The following CYP2F1 variants were observed in gnomAD, a reference collection of about 807,000 sequenced individuals.
CYP2F1 encodes cytochrome P450 family 2 subfamily F member 1.
CYP2F1 carries 33 observed loss-of-function variants against 40.4 expected under a neutral mutation model. The observed-to-expected ratio is 0.82, with a 90% CI of 0.62 to 1.09. The LOEUF is 1.09. CYP2F1 is among the 50% of genes least tolerant of loss of function. CYP2F1 has a pLI of 0.00. For synonymous variants in CYP2F1, 235 were observed against 277.2 expected (o/e 0.85, Z 1.51); for missense variants, 566 against 655.7 (o/e 0.86, Z 1.49).
intron 1 of CYP2F1, among the ~76,000 whole-genome samples, chr19:41,115,672 T>A (rs2031749350): frequency 6.6e-6 from 1 of 151,512 alleles, no homozygotes; most frequent in South Asian, 2.1e-4. Context: ...AGATAGATGA[T>A]GGATAGACAG....
At chr19:41,124,698 C>T (rs1255330226) in intron 7 of CYP2F1, 21 bp from the exon 8 acceptor site, 8 of 1,594,018 alleles carry the variant, frequency 5.0e-6, no homozygotes, top group African/African-American at 2.7e-5. Flanking sequence ...CCCTCGACCC[C>T]GCTTCCCGCT....
chr19:41,123,101 C>G (rs1194562874), intron 7 of CYP2F1, 138 bp downstream of exon 7: 2 of 1,024,036 alleles, frequency 2.0e-6, no homozygotes, highest in Non-Finnish European at 2.9e-6. Context: ...ACCCACAAAC[C>G]CACACGGAGG....
At chr19:41,115,486 G>T (rs550899504) in intron 1 of CYP2F1, among the ~76,000 whole-genome samples, 29 of 152,222 alleles carry the variant, frequency 1.9e-4, no homozygotes, top group African/African-American at 7.0e-4. Flanking sequence ...TGTGTGTCTT[G>T]ATCTCTCTTT....
chr19:41,114,692 G>A (rs1388395332), intron 1 of CYP2F1, among the ~76,000 whole-genome samples, 200 bp downstream of exon 1: 1 of 151,768 alleles, frequency 6.6e-6, no homozygotes, highest in African/African-American at 2.4e-5. Flanking sequence ...TCTCTGCAAT[G>A]CAACCCCATG....
chr19:41,119,474 C>G lies in CYP2F1; in HGVS notation c.335-873C>G, dbSNP rs145737708. Reference sequence around the variant, plus strand: ...TTAAAAATACAAAAATTAGGCCAGGCGCAGTGGCTCATGCCTGTAATCCCA... The same window carrying G: ...TTAAAAATACAAAAATTAGGCCAGGGGCAGTGGCTCATGCCTGTAATCCCA... On this transcript the variant is annotated intron_variant, in intron 3 of 9. Transcript: ENST00000331105. Among the ~76,000 whole-genome samples the G allele has an allele frequency of 4.0e-5, 6 of 151,738 alleles. No individual in the cohort carries two copies. The South Asian group carries it at 1.3e-3, about 32-fold the overall frequency.
At chr19:41,125,724 T>C in intron 9 of CYP2F1, 90 bp downstream of exon 9, 1 of 1,613,722 alleles carries the variant, frequency 6.2e-7, no homozygotes, top group Non-Finnish European at 8.5e-7. Flanking sequence ...ACTCCTTCCT[T>C]CCACCCATTC....
intron 3 of CYP2F1, among the ~76,000 whole-genome samples, chr19:41,119,723 C>CTCTCTATATATATATATA (rs1478574507): frequency 5.6e-5 from 2 of 35,826 alleles, no homozygotes; most frequent in Admixed American, 4.3e-4. Context: ...CTCTCTCTCT[C>CTCTCTATATATATATATA]TATATATATA....
chr19:41,121,714 C>A (rs1197920557), intron 5 of CYP2F1, 96 bp downstream of exon 5: 2 of 1,257,046 alleles, frequency 1.6e-6, no homozygotes, highest in Admixed American at 2.1e-5. Context: ...GTGAATGGCC[C>A]GCCCAGGGCC....
chr19:41,115,551 T>C (rs2031741174), intron 1 of CYP2F1, among the ~76,000 whole-genome samples: 2 of 151,646 alleles, frequency 1.3e-5, no homozygotes, highest in Non-Finnish European at 2.9e-5. Context: ...AGATAGATAA[T>C]AGACAGATGA....
At chr19:41,127,070 ATG>A (rs1287748953) in intron 9 of CYP2F1, among the ~76,000 whole-genome samples, 1 of 152,172 alleles carries the variant, frequency 6.6e-6, no homozygotes, top group Non-Finnish European at 1.5e-5. Context: ...TCCTCTGGGA[ATG>A]TGTGGCCCAG....
Position 41,127,980 on chromosome 19 carries a change from G to C in CYP2F1, c.1374G>C (p.Ser458=), listed in dbSNP as rs769731609. The change falls in exon 10 of 10, where the codon TCG becomes TCC. Residue 458 remains serine, a synonymous_variant. Coordinates refer to ENST00000331105, the MANE Select transcript of CYP2F1 (RefSeq NM_000774.5). ...LYLTAILQSF[S]LQPLGAPEDI... The stretch of plus-strand genomic sequence containing the variant: ...TCACCGCCATCCTGCAGAGCTTTTC[G>C]CTGCAGCCGCTGGGTGCGCCCGAGG... The C allele has an allele frequency of 1.2e-6, 2 of 1,613,282 alleles. No homozygotes were observed. Among genetic ancestry groups the C allele is most frequent in the East Asian group, 4.5e-5 (2 of 44,854 alleles).
intron 9 of CYP2F1, among the ~76,000 whole-genome samples, chr19:41,127,016 G>T (rs1174846894): frequency 6.6e-6 from 1 of 152,116 alleles, no homozygotes; most frequent in Non-Finnish European, 1.5e-5. Flanking sequence ...CCTACTGTGC[G>T]TCAAGTGCTG....
rs752314707 is a variant in CYP2F1 at position 41,127,906 on chromosome 19, C to A, written c.1300C>A (p.Arg434Ser). 1.9e-6 allele frequency: 3 copies of A among 1,610,960 alleles called. No homozygotes were observed. Among genetic ancestry groups the A allele is most frequent in the Non-Finnish European group, 2.5e-6 (3 of 1,178,846 alleles). ...CCATCCTGCCACCCCTGCAGGGCGC[C>A]GTCTGTGCCTGGGAGAGTCGCTGGC... ...PAFMPFSAGR[R>S]LCLGESLARM... is the part of the protein sequence containing the mutation. The change falls in exon 10 of 10, where the codon CGT becomes AGT. Residue 434 changes from arginine to serine, a missense_variant. Coordinates refer to ENST00000331105, the MANE Select transcript of CYP2F1 (RefSeq NM_000774.5).
chr19:41,116,407 G>A, intron 2 of CYP2F1, 48 bp downstream of exon 2: 1 of 1,608,908 alleles, frequency 6.2e-7, no homozygotes, highest in East Asian at 2.2e-5. Context: ...AGGAGGAGGG[G>A]TCCCATGGCC....
chr19:41,124,715 C>T lies in CYP2F1; in HGVS notation c.965-4C>T. On this transcript the variant is annotated splice_polypyrimidine_tract_variant and splice_region_variant and intron_variant, in intron 7 of 9. Transcript: ENST00000331105. ...CTCGACCCCGCTTCCCGCTTCCTCT[C>T]CAGCCCGCGTGCAGGAGGAGATCGA... The T allele has an allele frequency of 1.3e-6, 2 of 1,599,494 alleles. No homozygotes were observed. The highest frequency in any genetic ancestry group is 1.7e-6 in the Non-Finnish European group (2 of 1,178,542).
chr19:41,124,600 G>A, intron 7 of CYP2F1, 119 bp from the exon 8 acceptor site: 3 of 934,744 alleles, frequency 3.2e-6, no homozygotes, highest in Non-Finnish European at 4.7e-6. Flanking sequence ...CAGCAGTGGC[G>A]CCCCGCGCTG....
intron 3 of CYP2F1, among the ~76,000 whole-genome samples, chr19:41,120,103 G>C (rs2032098910): frequency 6.6e-6 from 1 of 151,998 alleles, no homozygotes; most frequent in Non-Finnish European, 1.5e-5. Context: ...TAACAGCCCA[G>C]AGTGATCAGG....
rs1555720333 is a variant in CYP2F1 at position 41,122,499 on chromosome 19, C to CACACACAT, written c.823-320_823-319insCACATACA. On this transcript the variant is annotated intron_variant, in intron 6 of 9. Coordinates refer to ENST00000331105, the MANE Select transcript of CYP2F1 (RefSeq NM_000774.5). ...ATACGTACACACATACATACACACA[C>CACACACAT]ACATACATACATACATACACACACA... is the stretch of plus-strand genomic sequence containing the variant. Among the ~76,000 whole-genome samples the CACACACAT allele has an allele frequency of 3.0e-4, 46 of 151,960 alleles. 1 individual carries two copies. Among genetic ancestry groups the CACACACAT allele is most frequent in the African/African-American group, 9.4e-4 (39 of 41,394 alleles).
At chr19:41,117,698 A>T (rs2031903998) in intron 3 of CYP2F1, among the ~76,000 whole-genome samples, 1 of 152,076 alleles carries the variant, frequency 6.6e-6, no homozygotes, top group African/African-American at 2.4e-5. Flanking sequence ...CCCCATTGTC[A>T]TTCCCAACCT....
Sources: gnomAD v4.1 joint callset for allele counts (sites outside exome capture counted in the v4.1 genomes callset) on GRCh38, gnomAD v4.1.1 for gene constraint, MANE v1.5 for transcripts, NCBI Gene and HGNC (gene_info 2026-07-23, HGNC 2026-07-21) for gene names.